ARHGAP12: variants seen among roughly 807,000 people sequenced by gnomAD.
The protein encoded by ARHGAP12 is Rho GTPase activating protein 12, also known as rho GTPase-activating protein 12.
A neutral mutation model predicts 108.6 loss-of-function variants in ARHGAP12; 64 were observed. That is an observed-to-expected ratio of 0.59 (90% CI 0.48 to 0.73). The LOEUF (loss-of-function observed/expected upper bound fraction) is 0.73, where lower values mean the gene tolerates loss of function less well. ARHGAP12 is among the 30% of genes least tolerant of loss of function. The probability of loss-of-function intolerance (pLI) is 0.00; values close to 1 mark genes in which losing one functional copy is unlikely to be tolerated. For missense variants in ARHGAP12, 940 were observed against 1,005.9 expected, an observed-to-expected ratio of 0.93 and a Z score of 0.89; for synonymous variants, 312 against 337.2, an observed-to-expected ratio of 0.93 and a Z score of 0.82.
intron 15 of ARHGAP12, among the ~76,000 whole-genome samples, chr10:31,812,422 A>T (rs932629812): frequency 6.6e-6 from 1 of 152,154 alleles, no homozygotes; most frequent in Non-Finnish European, 1.5e-5. Flanking sequence ...TAAACTTTTC[A>T]TTGTCACAAT....
intron 1 of ARHGAP12, among the ~76,000 whole-genome samples, chr10:31,912,005 C>T (rs186119915): frequency 6.6e-6 from 1 of 152,176 alleles, no homozygotes; most frequent in Non-Finnish European, 1.5e-5. Flanking sequence ...CTACCCTACC[C>T]GAGCTCTGCC....
chr10:31,812,732 A>G lies in ARHGAP12; in HGVS notation c.1926T>C (p.Ala642=). The change falls in exon 15 of 20, where the codon GCT becomes GCC. Residue 642 remains alanine (A), a synonymous_variant. Transcript: ENST00000344936. Reference sequence around the variant, plus strand: ...CTTTAATATAACCTTTTTCACGAACAGCTTGCAAAGTGGGGCGTCGTGTAA... The same window carrying G: ...CTTTAATATAACCTTTTTCACGAACGGCTTGCAAAGTGGGGCGTCGTGTAA... ...KFLTRRPTLQ[A]VREKGYIKDQ... 1 of 1,606,642 alleles carries G rather than the reference A, an allele frequency of 6.2e-7. No individual in the cohort carries two copies. The highest frequency in any genetic ancestry group is 8.5e-7 in the Non-Finnish European group (1 of 1,177,786).
intron 11 of ARHGAP12, among the ~76,000 whole-genome samples, chr10:31,825,981 G>A (rs142719224): frequency 6.6e-6 from 1 of 152,234 alleles, no homozygotes; most frequent in East Asian, 1.9e-4. Flanking sequence ...AAATAGCAGA[G>A]TCACAAACAC....
At chr10:31,927,599 G>A (rs931312304) in intron 1 of ARHGAP12, among the ~76,000 whole-genome samples, 22 of 152,110 alleles carry the variant, frequency 1.4e-4, no homozygotes, top group Non-Finnish European at 2.8e-4. Context: ...ACAACCAATC[G>A]TGTTATTAGA....
Position 31,805,436 on chromosome 10 carries a change from A to G in ARHGAP12, c.*2222T>C, listed in dbSNP as rs539797726. 1 of 152,322 alleles carries G rather than the reference A, an allele frequency of 6.6e-6. No individual in the cohort carries two copies. The highest frequency in any genetic ancestry group is 1.9e-4 in the East Asian group (1 of 5,190). The allele number at this position is 152,322 out of a possible 1,614,324, so 9.4% of individuals were successfully genotyped here. A position where few individuals can be genotyped will look rare whatever the true frequency, so the allele number is the denominator to read the frequency against. ...ATTATGAAGGAAGACTTACTAACAA[A>G]TAAAATTCCACTGATAATTTATTTC... is the stretch of plus-strand genomic sequence containing the variant. On this transcript the variant is annotated 3_prime_UTR_variant, in exon 20 of 20. Transcript: ENST00000344936.
chr10:31,812,857 AAAAATAAAGTTT>A, intron 14 of ARHGAP12, 34 bp from the exon 15 acceptor site: 2 of 1,300,146 alleles, frequency 1.5e-6, no homozygotes, highest in Non-Finnish European at 2.1e-6. Context: ...GAGCATTTGT[AAAAATAAAGTTT>A]TTTTGATACA....
intron 1 of ARHGAP12, among the ~76,000 whole-genome samples, chr10:31,921,763 C>CAAAAAAAAAAAAA (rs57420280): frequency 7.9e-5 from 3 of 37,928 alleles, no homozygotes; most frequent in African/African-American, 2.6e-4. Context: ...GGCTCCATCT[C>CAAAAAAAAAAAAA]AAAAAAAAAA....
intron 10 of ARHGAP12, among the ~76,000 whole-genome samples, chr10:31,830,980 G>A (rs760406798): frequency 2.6e-5 from 4 of 152,228 alleles, no homozygotes; most frequent in Non-Finnish European, 5.9e-5. Flanking sequence ...TTGGAACACT[G>A]TCGAAATGAC....
Position 31,838,547 on chromosome 10 carries a change from G to A in ARHGAP12, c.1386+758C>T, listed in dbSNP as rs1413309606. Among the ~76,000 whole-genome samples the A allele has an allele frequency of 4.0e-5, 6 of 151,650 alleles. No homozygotes were observed. In the East Asian group the frequency reaches 5.8e-4, roughly 15 times the overall value. On this transcript the variant is annotated intron_variant, in intron 9 of 19. Coordinates refer to ENST00000344936, the MANE Select transcript of ARHGAP12 (RefSeq NM_018287.7). ...AAAATTTTTAAAAAATTAGCCAAGC[G>A]GGCCAGGCACAGTGGCTCATGCCTG...
chr10:31,861,399 T>C lies in ARHGAP12; in HGVS notation c.944A>G (p.Gln315Arg), dbSNP rs771060243. 6 of 1,611,028 alleles carry C rather than the reference T, an allele frequency of 3.7e-6. No homozygotes were observed. The Admixed American group carries it at 6.7e-5, about 18-fold the overall frequency. Reference sequence around the variant, plus strand: ...TGATTCCTTAATTACTCATACCTCTTGATCCCCTGGATTTTGGAAATCTCC... The same window carrying C: ...TGATTCCTTAATTACTCATACCTCTCGATCCCCTGGATTTTGGAAATCTCC... ...SKGDFQNPGD[Q>R]ELLSSEENYY... The change falls in exon 4 of 20, where the codon CAA becomes CGA. Residue 315 changes from glutamine to arginine, a missense_variant. Coordinates refer to ENST00000344936, the MANE Select transcript of ARHGAP12 (RefSeq NM_018287.7).
intron 10 of ARHGAP12, 106 bp from the exon 11 acceptor site, chr10:31,826,491 C>T (rs1397362281): frequency 8.7e-6 from 7 of 804,840 alleles, no homozygotes; most frequent in African/African-American, 1.8e-5. Flanking sequence ...CTACAATTTA[C>T]AGCCTTGTTG....
At chr10:31,883,766 C>T (rs1202360459) in intron 3 of ARHGAP12, among the ~76,000 whole-genome samples, 3 of 148,632 alleles carry the variant, frequency 2.0e-5, no homozygotes, top group Non-Finnish European at 4.4e-5. Context: ...GGCTGGAGTT[C>T]AGTGGCGTGA....
chr10:31,853,479 G>T (rs931031793), intron 5 of ARHGAP12, among the ~76,000 whole-genome samples: 2 of 152,090 alleles, frequency 1.3e-5, no homozygotes, highest in South Asian at 4.1e-4. Context: ...AACTGCTTCC[G>T]TATGTTCTAA....
rs73253389 is a variant in ARHGAP12, at chr10:31,917,428, T to G, written c.-110-6865A>C. Among the ~76,000 whole-genome samples, 1,206 of 152,080 alleles carry G rather than the reference T, an allele frequency of 7.9e-3. 19 individuals are homozygous for G. The highest frequency in any genetic ancestry group is 0.028 in the African/African-American group (1,147 of 41,498). On this transcript the variant is annotated intron_variant, in intron 1 of 19. Coordinates refer to ENST00000344936, the MANE Select transcript of ARHGAP12 (RefSeq NM_018287.7). ...TCAAAAAAATAAAAAAGAAAAGAAA[T>G]CATTACCCTAGTCTTTATAAAAGTT... is the stretch of plus-strand genomic sequence containing the variant.
At chr10:31,893,741 C>T (rs977854112) in intron 3 of ARHGAP12, among the ~76,000 whole-genome samples, 10 of 152,110 alleles carry the variant, frequency 6.6e-5, no homozygotes, top group Non-Finnish European at 1.0e-4. Context: ...CCCTAACTCA[C>T]TTTATGAGGC....
At chr10:31,835,592 T>C (rs1835987161) in intron 9 of ARHGAP12, among the ~76,000 whole-genome samples, 1 of 152,254 alleles carries the variant, frequency 6.6e-6, no homozygotes, top group African/African-American at 2.4e-5. Context: ...TTCTAATTGA[T>C]GTTGCATTCT....
At chr10:31,854,351 TAA>T (rs1214085264) in intron 4 of ARHGAP12, 145 bp from the exon 5 acceptor site, 34 of 790,762 alleles carry the variant, frequency 4.3e-5, no homozygotes, top group Admixed American at 6.6e-5. Context: ...AATAAATTGA[TAA>T]GTCTTTAAAT....
At chr10:31,846,688 C>A (rs1836470629) in intron 6 of ARHGAP12, among the ~76,000 whole-genome samples, 1 of 152,024 alleles carries the variant, frequency 6.6e-6, no homozygotes, top group Non-Finnish European at 1.5e-5. Flanking sequence ...ATACAATGAG[C>A]CTGGATATGG....
chr10:31,817,980 C>G (rs1259302080), intron 12 of ARHGAP12, 94 bp from the exon 13 acceptor site: 1 of 839,068 alleles, frequency 1.2e-6, no homozygotes, highest in African/African-American at 1.7e-5. Flanking sequence ...ACAAAACCAC[C>G]AAGAGTAGCT....
Sources: allele counts gnomAD v4.1 joint callset (sites outside exome capture counted in the v4.1 genomes callset), GRCh38; gene constraint gnomAD v4.1.1; transcripts MANE v1.5; gene names NCBI Gene and HGNC (gene_info 2026-07-23, HGNC 2026-07-21).